TGIF1: variants seen among roughly 807,000 people sequenced by gnomAD.
The protein encoded by TGIF1 is homeobox protein TGIF1.
Under a neutral mutation model 19.3 loss-of-function variants are expected in TGIF1, and 4 were observed. That is an observed-to-expected ratio of 0.21 (90% confidence interval 0.10 to 0.47). The LOEUF (loss-of-function observed/expected upper bound fraction) is 0.47. Ranked by LOEUF, TGIF1 falls within the 20% of genes least tolerant of loss-of-function variation. TGIF1 has a pLI of 0.98. For synonymous variants in TGIF1, 122 were observed against 129.3 expected (o/e 0.94, Z 0.38); for missense variants, 275 against 341.4 (o/e 0.81, Z 1.53).
At chr18:3,429,553 C>T (rs887083148) in intron 2 of TGIF1, among the ~76,000 whole-genome samples, 4 of 152,076 alleles carry the variant, frequency 2.6e-5, no homozygotes, top group African/African-American at 9.7e-5. Flanking sequence ...CTACCATGGG[C>T]TTTACCGAAT....
chr18:3,418,500 C>G (rs1336610297), intron 2 of TGIF1: 1 of 152,214 alleles, frequency 6.6e-6, no homozygotes, highest in Non-Finnish European at 1.5e-5. Context: ...TTGTAATCAT[C>G]TTTAGATTAC....
intron 1 of TGIF1, 69 bp downstream of exon 1, chr18:3,450,574 C>T: frequency 6.5e-7 from 1 of 1,549,026 alleles, no homozygotes; most frequent in South Asian, 1.2e-5. Flanking sequence ...CGGGCCGCGC[C>T]GCGCGGAGTC....
intron 1 of TGIF1, among the ~76,000 whole-genome samples, chr18:3,416,868 C>G (rs1210091682): frequency 6.6e-6 from 1 of 150,780 alleles, no homozygotes; most frequent in African/African-American, 2.4e-5. Flanking sequence ...GAAGCGGACG[C>G]TACAGTGAGC....
intron 2 of TGIF1, among the ~76,000 whole-genome samples, chr18:3,428,311 G>A (rs1346746532): frequency 6.6e-6 from 1 of 152,186 alleles, no homozygotes; most frequent in African/African-American, 2.4e-5. Flanking sequence ...GAGCACTTCC[G>A]ACGTGCATGG....
In TGIF1 at chr18:3,458,220, C is replaced by T; in HGVS notation, c.*280C>T. 2.4e-6 allele frequency: 1 copy of T among 409,946 alleles called. No individual in the cohort carries two copies. Among genetic ancestry groups the T allele is most frequent in the Non-Finnish European group, 4.4e-6 (1 of 229,228 alleles). 25.4% of individuals were successfully genotyped at this position (409,946 alleles called of 1,614,324 possible). ...TATCATGTGATTTTTTTTTTCCTCC[C>T]CTTCCCTTTTTTTGTTATTTTTTCA... On this transcript the variant is annotated 3_prime_UTR_variant, in exon 3 of 3. Coordinates refer to ENST00000343820, the MANE Select transcript of TGIF1 (RefSeq NM_003244.4).
chr18:3,425,893 T>C (rs1725394911), intron 2 of TGIF1, among the ~76,000 whole-genome samples: 1 of 152,104 alleles, frequency 6.6e-6, no homozygotes, highest in South Asian at 2.1e-4. Flanking sequence ...CCAACTGGTG[T>C]GTGCTGGAGA....
chr18:3,450,804 C>T (rs1438280279), intron 1 of TGIF1, among the ~76,000 whole-genome samples: 1 of 152,242 alleles, frequency 6.6e-6, no homozygotes, highest in Non-Finnish European at 1.5e-5. Flanking sequence ...CGACACCCCA[C>T]GCTCGGCCCA....
At chr18:3,437,858 C>A (rs1010072325) in intron 2 of TGIF1, among the ~76,000 whole-genome samples, 2 of 152,106 alleles carry the variant, frequency 1.3e-5, no homozygotes, top group Admixed American at 6.5e-5. Context: ...CCAAGGCAGG[C>A]GGATCACCTG....
At chr18:3,452,112 G>C (rs773451816) in intron 1 of TGIF1, 1 of 1,613,796 alleles carries the variant, frequency 6.2e-7, no homozygotes, top group South Asian at 1.1e-5. Context: ...CTTTTCCACG[G>C]CTTTTCTGGC....
rs2143419238 is a variant in TGIF1, at chr18:3,457,556, A to G, written c.435A>G (p.Thr145=). The change falls in exon 3 of 3, where the codon ACA becomes ACG. Residue 145 remains threonine, a synonymous_variant. Coordinates refer to ENST00000343820, the MANE Select transcript of TGIF1 (RefSeq NM_003244.4). The surrounding 1 kb of genome is among the most constrained non-coding windows in gnomAD (Gnocchi z 4.9). The stretch of plus-strand genomic sequence containing the variant: ...AGGAGACCCCATTTCATTCCTGTAC[A>G]GCTGGGCCAAACCCAACCCTAGGGA... ...ALEETPFHSC[T]AGPNPTLGRP... is the part of the protein sequence containing the mutation. The G allele has an allele frequency of 3.1e-6, 5 of 1,614,212 alleles. No individual in the cohort carries two copies. Among genetic ancestry groups the G allele is most frequent in the Non-Finnish European group, 4.2e-6 (5 of 1,180,042 alleles).
At chr18:3,431,617 T>A (rs1036283214) in intron 2 of TGIF1, among the ~76,000 whole-genome samples, 7 of 151,734 alleles carry the variant, frequency 4.6e-5, no homozygotes, top group South Asian at 4.2e-4. Flanking sequence ...AACCAACAAA[T>A]AAATGTAGAA....
upstream of TGIF1, chr18:3,449,516 C>G (rs1010285163): frequency 1.0e-6 from 1 of 985,362 alleles, no homozygotes; most frequent in East Asian, 1.1e-4. Flanking sequence ...AACAGACGTT[C>G]GTTTAGGCTG....
Position 3,450,331 on chromosome 18 carries a change from C to G in TGIF1, c.-159C>G. On this transcript the variant is annotated 5_prime_UTR_variant, in exon 1 of 3. Coordinates refer to ENST00000343820, the MANE Select transcript of TGIF1 (RefSeq NM_003244.4). ...TTGAATTCCACCCAAGGAGCGGGCG[C>G]CTGGGATCAGAGCGTCCTGTTTAGC... 1 of 1,462,176 alleles carries G rather than the reference C, an allele frequency of 6.8e-7. No homozygotes were observed. The highest frequency in any genetic ancestry group is 2.6e-5 in the Admixed American group (1 of 38,050). The allele number at this position is 1,462,176 out of a possible 1,614,324, so 90.6% of individuals were successfully genotyped here.
chr18:3,419,744 G>T (rs865811158), intron 2 of TGIF1, among the ~76,000 whole-genome samples: 1 of 152,178 alleles, frequency 6.6e-6, no homozygotes, highest in Non-Finnish European at 1.5e-5. Context: ...GGTGGCTCAC[G>T]CCTGTAATCC....
At chr18:3,420,113 C>G (rs1394085545) in intron 2 of TGIF1, among the ~76,000 whole-genome samples, 3 of 152,134 alleles carry the variant, frequency 2.0e-5, no homozygotes, top group South Asian at 4.1e-4. Context: ...CATGGTGGCT[C>G]AAGCCTATAA....
At chr18:3,441,024 T>C (rs900295111) in intron 2 of TGIF1, among the ~76,000 whole-genome samples, 2 of 152,258 alleles carry the variant, frequency 1.3e-5, no homozygotes, top group African/African-American at 4.8e-5. Context: ...TTTACTTTAT[T>C]GTTGTAATGA....
upstream of TGIF1, chr18:3,448,115 T>C (rs1282837448): frequency 4.2e-6 from 4 of 947,106 alleles, no homozygotes; most frequent in Admixed American, 1.9e-4. Flanking sequence ...GCGTGTTTTG[T>C]GGAGTGGCTT....
upstream of TGIF1, chr18:3,449,612 C>A (rs939877508): frequency 7.1e-6 from 7 of 984,492 alleles, no homozygotes; most frequent in African/African-American, 1.1e-4. Context: ...AAGGGTGCGC[C>A]GCGCCGCGCC....
Position 3,457,606 on chromosome 18 carries a change from C to G in TGIF1, c.485C>G (p.Ser162Cys). The change falls in exon 3 of 3, where the codon TCC (serine) becomes TGC (cysteine). Residue 162 changes from serine (S) to cysteine (C), a missense_variant. Physicochemically the swap from Ser to Cys is moderately radical, Grantham distance 112. Coordinates refer to ENST00000343820, the MANE Select transcript of TGIF1 (RefSeq NM_003244.4). This position sits in a 1 kb window ranked among gnomAD's most constrained non-coding sequence, Gnocchi z 4.9. ...LGRPLSPKPS[S>C]PGSVLARPSV... is the part of the protein sequence containing the mutation. ...AGGCCACTGTCTCCTAAGCCGTCATCCCCGGGATCAGTTTTGGCTCGTCCA... is the reference window on the plus strand; with the variant it reads ...AGGCCACTGTCTCCTAAGCCGTCATGCCCGGGATCAGTTTTGGCTCGTCCA... 1 of 1,614,228 alleles carries G rather than the reference C, an allele frequency of 6.2e-7. No homozygotes were observed.
Sources: gnomAD v4.1 joint callset for allele counts (sites outside exome capture counted in the v4.1 genomes callset) on GRCh38, gnomAD v4.1.1 for gene constraint, Gnocchi (gnomAD v3.1) non-coding constraint, MANE v1.5 for transcripts, NCBI Gene and HGNC (gene_info 2026-07-23, HGNC 2026-07-21) for gene names.